The following PRMT2 variants were observed in gnomAD, a reference collection of about 807,000 sequenced individuals.
PRMT2 encodes protein arginine methyltransferase 2, also known as protein arginine N-methyltransferase 2.
In PRMT2, 26 loss-of-function variants were observed where a neutral mutation model predicts 57.6. The observed-to-expected ratio is 0.45, with a 90% CI of 0.33 to 0.63. PRMT2 has a LOEUF of 0.63. Among genes scored for constraint, PRMT2 ranks in the 20% least tolerant of loss-of-function variants. PRMT2 has a pLI of 0.02. For synonymous variants in PRMT2, 219 were observed against 220.0 expected, an observed-to-expected ratio of 1.00 and a Z score of 0.04; for missense variants, 472 against 564.4, an observed-to-expected ratio of 0.84 and a Z score of 1.66.
In PRMT2 at chr21:46,636,894, A is replaced by G; in HGVS notation, c.-56-2A>G. The G allele has an allele frequency of 2.6e-6, 4 of 1,558,316 alleles. No homozygotes were observed. The stretch of plus-strand genomic sequence containing the variant: ...TGTGTCTCCTTCTCTTTTTAAAAGT[A>G]GAAATGGAAAAGAAAATGAAATAAA... On this transcript the variant is annotated splice_acceptor_variant, in intron 2 of 11. Coordinates refer to ENST00000355680, the MANE Select transcript of PRMT2 (RefSeq NM_206962.4). LOFTEE classifies it low-confidence loss of function (5UTR_SPLICE).
intron 7 of PRMT2, chr21:46,651,710 T>A: frequency 5.8e-6 from 8 of 1,384,084 alleles, no homozygotes; most frequent in Middle Eastern, 2.3e-4. Flanking sequence ...ATGGCGATAG[T>A]TGTTGGGGCA....
intron 8 of PRMT2, chr21:46,659,715 A>G: frequency 1.0e-6 from 1 of 985,276 alleles, no homozygotes; most frequent in Non-Finnish European, 1.2e-6. Flanking sequence ...CAGGCTGCCC[A>G]CCCCAGTCAC....
Position 46,643,537 on chromosome 21 carries a change from A to C in PRMT2, c.42A>C (p.Gly14=). The change falls in exon 4 of 12, where the codon GGA becomes GGC. Residue 14 remains glycine, a splice_region_variant and synonymous_variant. Transcript: ENST00000355680. ...SGDCPRSESQ[G]EEPAECSEAG... ...ACGCTTTCCTTGGCTTTGAGCAGGG[A>C]GAAGAGCCTGCTGAGTGCAGTGAGG... 6.4e-7 allele frequency: 1 copy of C among 1,573,142 alleles called. No homozygotes were observed. The highest frequency in any genetic ancestry group is 1.2e-5 in the South Asian group (1 of 85,852).
At chr21:46,653,872 T>C in intron 7 of PRMT2, 4 of 1,024,892 alleles carry the variant, frequency 3.9e-6, no homozygotes, top group East Asian at 2.1e-4. Context: ...TCTCTTCACC[T>C]CCTTCTACAA....
At chr21:46,650,576 G>T (rs1191654670) in intron 7 of PRMT2, among the ~76,000 whole-genome samples, 1 of 152,218 alleles carries the variant, frequency 6.6e-6, no homozygotes, top group African/African-American at 2.4e-5. Context: ...ATGACACACA[G>T]GAGAAACGGG....
At chr21:46,643,102 C>T (rs2061305550) in intron 3 of PRMT2, among the ~76,000 whole-genome samples, 1 of 152,016 alleles carries the variant, frequency 6.6e-6, no homozygotes, top group South Asian at 2.1e-4. Flanking sequence ...CTGGGCTCTG[C>T]TGCCTCGTGG....
intron 3 of PRMT2, among the ~76,000 whole-genome samples, chr21:46,638,369 A>G (rs1318473406): frequency 6.6e-6 from 1 of 152,238 alleles, no homozygotes; most frequent in Non-Finnish European, 1.5e-5. Flanking sequence ...ACTGCTACAC[A>G]GTAGGCATAT....
chr21:46,661,029 C>G, intron 9 of PRMT2, 67 bp downstream of exon 9: 1 of 1,504,566 alleles, frequency 6.6e-7, no homozygotes, highest in Middle Eastern at 1.7e-4. Flanking sequence ...AGACCAGAGC[C>G]TGGCTTATCA....
intron 9 of PRMT2, chr21:46,661,473 C>T (rs2061619585): frequency 1.0e-5 from 2 of 192,280 alleles, no homozygotes; most frequent in African/African-American, 2.3e-5. Context: ...GGCGCCGGCG[C>T]GCTTTGGTTT....
At position 46,641,687 on chromosome 21, in the gene PRMT2, A is replaced by C. The variant is rs575545089; in HGVS notation, c.40-1848A>C. Among the ~76,000 whole-genome samples the C allele has an allele frequency of 8.0e-5, 12 of 150,550 alleles. No individual in the cohort carries two copies. The East Asian group carries it at 2.4e-3, about 30-fold the overall frequency. ...AGCCTAGGCGACAGAGCGAGACTCC[A>C]TCCTAAAAAAAAAGCCAAACAAAGA... On this transcript the variant is annotated intron_variant, in intron 3 of 11. Transcript: ENST00000355680.
chr21:46,655,231 C>G (rs75437042), intron 7 of PRMT2, among the ~76,000 whole-genome samples: 10,669 of 152,096 alleles, frequency 0.07, 542 homozygotes, highest in Non-Finnish European at 0.1. Flanking sequence ...TGCCCTAATA[C>G]CAAAACCAAT....
chr21:46,658,664 T>C, intron 7 of PRMT2, 81 bp from the exon 8 acceptor site: 1 of 1,566,666 alleles, frequency 6.4e-7, no homozygotes, highest in Non-Finnish European at 8.7e-7. Flanking sequence ...GTCAGACTAG[T>C]GTTACGAATG....
At chr21:46,643,351 G>C in intron 3 of PRMT2, 184 bp from the exon 4 acceptor site, 1 of 1,151,956 alleles carries the variant, frequency 8.7e-7, no homozygotes, top group Non-Finnish European at 1.1e-6. Context: ...TTTTAGAAAA[G>C]AAATGTAGAG....
At chr21:46,653,522 A>G in intron 7 of PRMT2, 2 of 1,013,140 alleles carry the variant, frequency 2.0e-6, no homozygotes, top group South Asian at 7.6e-5. Context: ...CTGAAGGACG[A>G]TCTACACAGG....
chr21:46,645,785 T>C (rs7282712), intron 5 of PRMT2, among the ~76,000 whole-genome samples: 136,198 of 151,518 alleles, frequency 0.9, 61,292 homozygotes, highest in African/African-American at 0.92. Context: ...GGCAGGATCC[T>C]AGTTCACTGC....
chr21:46,639,320 C>T (rs2061228366), intron 3 of PRMT2, among the ~76,000 whole-genome samples: 1 of 152,028 alleles, frequency 6.6e-6, no homozygotes, highest in South Asian at 2.1e-4. Context: ...ATGTATTCTG[C>T]AGTTGTTGAG....
In PRMT2 at chr21:46,664,596, A is replaced by G. The variant is rs1023946226; in HGVS notation, c.*269A>G. On this transcript the variant is annotated 3_prime_UTR_variant, in exon 12 of 12. Transcript: ENST00000355680. ...TTCCAGGTGTTCACCCGTGGTGCCC[A>G]CAGTGCCGACCCGTGGCTGGGTCGG... 1 of 561,636 alleles carries G rather than the reference A, an allele frequency of 1.8e-6. No homozygotes were observed. The highest frequency in any genetic ancestry group is 1.9e-5 in the African/African-American group (1 of 52,984). The allele number at this position is 561,636 out of a possible 1,614,324, so 34.8% of individuals were successfully genotyped here. A position where few individuals can be genotyped will look rare whatever the true frequency, so the allele number is the denominator to read the frequency against.
intron 5 of PRMT2, among the ~76,000 whole-genome samples, chr21:46,647,114 A>G (rs1000341565): frequency 1.3e-5 from 2 of 152,222 alleles, no homozygotes; most frequent in African/African-American, 4.8e-5. Context: ...TCCCTACCAC[A>G]AATCAAAGTG....
At chr21:46,651,749 G>T in intron 7 of PRMT2, 1 of 1,581,792 alleles carries the variant, frequency 6.3e-7, no homozygotes, top group South Asian at 1.1e-5. Context: ...AGGGAGGGAG[G>T]GTATGAATCT....
Sources: gnomAD v4.1 joint callset for allele counts (sites outside exome capture counted in the v4.1 genomes callset) on GRCh38, gnomAD v4.1.1 for gene constraint, MANE v1.5 for transcripts, NCBI Gene and HGNC (gene_info 2026-07-23, HGNC 2026-07-21) for gene names.